The following C18orf32 variants were observed in gnomAD, a reference collection of about 807,000 sequenced individuals.
The protein encoded by C18orf32 is UPF0729 protein C18orf32.
In C18orf32, 5 loss-of-function variants were observed where a neutral mutation model predicts 7.4. The ratio of observed to expected loss-of-function variants is 0.68; its 90% confidence interval spans 0.35 to 1.42. The LOEUF (loss-of-function observed/expected upper bound fraction) is 1.42, where lower values mean the gene tolerates loss of function less well. Ranked by LOEUF, C18orf32 falls within the 40% of genes most tolerant of loss-of-function variation. The pLI, the probability that C18orf32 is intolerant of heterozygous loss-of-function variation, is 0.04. For synonymous variants in C18orf32, 30 were observed against 29.3 expected, an observed-to-expected ratio of 1.02 and a Z score of -0.08; for missense variants, 88 against 92.4, an observed-to-expected ratio of 0.95 and a Z score of 0.19.
At position 49,485,572 on chromosome 18, in the gene C18orf32, A is replaced by AT. The variant is rs200579086; in HGVS notation, c.-24+1470_-24+1471insA. Among the ~76,000 whole-genome samples the AT allele has an allele frequency of 7.9e-5, 12 of 151,452 alleles. No homozygotes were observed. The East Asian group carries it at 9.7e-4, about 12-fold the overall frequency. Reference sequence around the variant, plus strand: ...TCCGTGTCAGAAAAAAAAAAAATAAAAATAAAATAAAATAAAATCAATTGC... The same window carrying AT: ...TCCGTGTCAGAAAAAAAAAAAATAAATAATAAAATAAAATAAAATCAATTGC... On this transcript the variant is annotated intron_variant, in intron 1 of 2. Transcript: ENST00000318240.
rs2083645677 is a variant in C18orf32 at position 49,479,719 on chromosome 18, A to C, written c.*2626T>G. The C allele has an allele frequency of 6.6e-6, 1 of 152,288 alleles. No individual in the cohort carries two copies. Among genetic ancestry groups the C allele is most frequent in the Admixed American group, 6.5e-5 (1 of 15,284 alleles). 9.4% of individuals were successfully genotyped at this position (152,288 alleles called of 1,614,324 possible). On this transcript the variant is annotated 3_prime_UTR_variant, in exon 3 of 3. Transcript: ENST00000318240. The stretch of plus-strand genomic sequence containing the variant: ...TTGCAGAGAGAGGGCCAAGGGAATA[A>C]ACACTCTGCCTTCATTCTCCTCCCT...
In C18orf32 at chr18:49,482,231, G is replaced by T; in HGVS notation, c.*114C>A. The T allele has an allele frequency of 2.6e-6, 2 of 757,544 alleles. No homozygotes were observed. The highest frequency in any genetic ancestry group is 4.7e-6 in the Non-Finnish European group (2 of 429,134). 46.9% of individuals were successfully genotyped at this position (757,544 alleles called of 1,614,324 possible). A position where few individuals can be genotyped will look rare whatever the true frequency, so the allele number is the denominator to read the frequency against. On this transcript the variant is annotated 3_prime_UTR_variant, in exon 3 of 3. Transcript: ENST00000318240. ...CTGATTAGTATCAGGTAAATATCTAGACTCCTATCCTGAATTCCGGTCTCA... is the reference window on the plus strand; with the variant it reads ...CTGATTAGTATCAGGTAAATATCTATACTCCTATCCTGAATTCCGGTCTCA...
At chr18:49,483,469 G>A (rs1011122324) in intron 2 of C18orf32, 115 bp downstream of exon 2, 5 of 1,318,876 alleles carry the variant, frequency 3.8e-6, no homozygotes, top group Admixed American at 5.2e-5. Flanking sequence ...TAAGCCAAAT[G>A]TTACACAAAC....
intron 2 of C18orf32, 22 bp from the exon 3 acceptor site, chr18:49,482,432 G>A: frequency 6.3e-7 from 1 of 1,582,568 alleles, no homozygotes; most frequent in Non-Finnish European, 8.7e-7. Context: ...AAACATTTTA[G>A]AAATTATCAT....
rs188710281 is a variant in C18orf32, at chr18:49,483,057, C to T, written c.165+527G>A. On this transcript the variant is annotated intron_variant, in intron 2 of 2. Transcript: ENST00000318240. The stretch of plus-strand genomic sequence containing the variant: ...CAGGTGATCAACCCATCTTGACCTC[C>T]CCAAGTGCTGGGATTACAGGCGTGA... 1.9e-4 allele frequency among the ~76,000 whole-genome samples: 29 copies of T among 152,212 alleles called. No individual in the cohort carries two copies. The Middle Eastern group carries it at 0.014, about 71-fold the overall frequency.
Position 49,483,771 on chromosome 18 carries a change from A to G in C18orf32, c.-23T>C. 1.3e-6 allele frequency: 2 copies of G among 1,597,208 alleles called. No individual in the cohort carries two copies. Among genetic ancestry groups the G allele is most frequent in the Non-Finnish European group, 1.7e-6 (2 of 1,176,422 alleles). ...CATTTTCCCAAGCTTGAGCTCCTCA[A>G]CTGTTGATATATGTGAAGAAAAAAA... On this transcript the variant is annotated splice_region_variant and 5_prime_UTR_variant, in exon 2 of 3. Transcript: ENST00000318240.
chr18:49,486,542 C>T (rs2083749879), intron 1 of C18orf32: 1 of 151,730 alleles, frequency 6.6e-6, no homozygotes, highest in Non-Finnish European at 1.5e-5. Context: ...TTTTACTTCA[C>T]ACATATGGAA....
chr18:49,483,356 T>C (rs2083689431), intron 2 of C18orf32, among the ~76,000 whole-genome samples: 1 of 152,206 alleles, frequency 6.6e-6, no homozygotes. Context: ...TCTCTCCTCA[T>C]CCATTAGCTA....
rs773591669 is a variant in C18orf32 at position 49,479,847 on chromosome 18, G to A, written c.*2498C>T. 6.6e-6 allele frequency: 1 copy of A among 152,514 alleles called. No individual in the cohort carries two copies. The highest frequency in any genetic ancestry group is 2.1e-4 in the South Asian group (1 of 4,834). 9.4% of individuals were successfully genotyped at this position (152,514 alleles called of 1,614,324 possible). A position where few individuals can be genotyped will look rare whatever the true frequency, so the allele number is the denominator to read the frequency against. On this transcript the variant is annotated 3_prime_UTR_variant, in exon 3 of 3. Transcript: ENST00000318240. ...TACAGCTTCCTTGGGCTGAAAGCAG[G>A]ATGAGGGGAGCAGAGACTTGGGAGG...
At position 49,478,915 on chromosome 18, in the gene C18orf32, TTTTCA is replaced by T. The variant is rs2083639050; in HGVS notation, c.*3425_*3429del. On this transcript the variant is annotated 3_prime_UTR_variant, in exon 3 of 3. Transcript: ENST00000318240. ...TTTTTGTCCACTATTCCCATGTTCT[TTTTCA>T]CTCTTCTGGTGTCAAACTGTCTTTT... The T allele has an allele frequency of 6.6e-6, 1 of 152,128 alleles. No homozygotes were observed. The highest frequency in any genetic ancestry group is 2.4e-5 in the African/African-American group (1 of 41,376). 9.4% of individuals were successfully genotyped at this position (152,128 alleles called of 1,614,324 possible).
In C18orf32 at chr18:49,481,825, C is replaced by A. The variant is rs78252690; in HGVS notation, c.*520G>T. On this transcript the variant is annotated 3_prime_UTR_variant, in exon 3 of 3. Coordinates refer to ENST00000318240, the MANE Select transcript of C18orf32 (RefSeq NM_001035005.4). Reference sequence around the variant, plus strand: ...TCCTTAGAGCAATAAATAGTAATTACTATATTTGTGGACAAGCTGCTCCAC... The same window carrying A: ...TCCTTAGAGCAATAAATAGTAATTAATATATTTGTGGACAAGCTGCTCCAC... The A allele has an allele frequency of 2.0e-5, 3 of 152,328 alleles. No individual in the cohort carries two copies. Among genetic ancestry groups the A allele is most frequent in the African/African-American group, 7.2e-5 (3 of 41,380 alleles). The allele number at this position is 152,328 out of a possible 1,614,324, so 9.4% of individuals were successfully genotyped here.
In C18orf32 at chr18:49,480,660, A is replaced by C. The variant is rs2083653066; in HGVS notation, c.*1685T>G. The C allele has an allele frequency of 6.6e-6, 1 of 152,204 alleles. No homozygotes were observed. Among genetic ancestry groups the C allele is most frequent in the Admixed American group, 6.5e-5 (1 of 15,274 alleles). 9.4% of individuals were successfully genotyped at this position (152,204 alleles called of 1,614,324 possible). On this transcript the variant is annotated 3_prime_UTR_variant, in exon 3 of 3. Transcript: ENST00000318240. ...GTGGTGTGCACCTGTAGTCCCAGCT[A>C]CTTGAGAGGCTAAGGTGAGAGGATC...
chr18:49,477,828 TATACACATATATATATATAC>T lies in C18orf32; in HGVS notation c.*4497_*4516del, dbSNP rs2083631001. 1 of 81,624 alleles carries T rather than the reference TATACACATATATATATATAC, an allele frequency of 1.2e-5. No individual in the cohort carries two copies. Among genetic ancestry groups the T allele is most frequent in the African/African-American group, 5.6e-5 (1 of 17,848 alleles). The allele number at this position is 81,624 out of a possible 1,614,324, so 5.1% of individuals were successfully genotyped here. On this transcript the variant is annotated 3_prime_UTR_variant, in exon 3 of 3. Transcript: ENST00000318240. The stretch of plus-strand genomic sequence containing the variant: ...TATATATATACACACACTATATATA[TATACACATATATATATATAC>T]ACACACTATATATATACACACTATA...
At chr18:49,486,693 T>C (rs1443752905) in intron 1 of C18orf32, 2 of 151,974 alleles carry the variant, frequency 1.3e-5, no homozygotes, top group Admixed American at 6.6e-5. Context: ...GACAACAGAG[T>C]AGACAGTTAA....
chr18:49,485,015 G>A (rs2083719980), intron 1 of C18orf32, among the ~76,000 whole-genome samples: 1 of 152,108 alleles, frequency 6.6e-6, no homozygotes, highest in Non-Finnish European at 1.5e-5. Context: ...CCGGGAGGTA[G>A]AGGTTGCGGT....
rs1443901180 is a variant in C18orf32 at position 49,480,294 on chromosome 18, T to C, written c.*2051A>G. The stretch of plus-strand genomic sequence containing the variant: ...GATGATGCCGCTGCACTCCAGCACC[T>C]GGGTGACAGTGAGACCCTGTCTCAA... On this transcript the variant is annotated 3_prime_UTR_variant, in exon 3 of 3. Transcript: ENST00000318240. 2.0e-5 allele frequency: 3 copies of C among 151,748 alleles called. No individual in the cohort carries two copies. The highest frequency in any genetic ancestry group is 7.3e-5 in the African/African-American group (3 of 41,302). The allele number at this position is 151,748 out of a possible 1,614,324, so 9.4% of individuals were successfully genotyped here.
chr18:49,481,314 G>C lies in C18orf32; in HGVS notation c.*1031C>G, dbSNP rs1191183468. ...CAGGAGTTCCTTTTAATCTTTCCCA[G>C]CTTCAGAGTGAATACAAAAAATATA... On this transcript the variant is annotated 3_prime_UTR_variant, in exon 3 of 3. Coordinates refer to ENST00000318240, the MANE Select transcript of C18orf32 (RefSeq NM_001035005.4). 1 of 152,046 alleles carries C rather than the reference G, an allele frequency of 6.6e-6. No individual in the cohort carries two copies. Among genetic ancestry groups the C allele is most frequent in the Non-Finnish European group, 1.5e-5 (1 of 68,012 alleles). The allele number at this position is 152,046 out of a possible 1,614,324, so 9.4% of individuals were successfully genotyped here.
rs1272702878 is a variant in C18orf32, at chr18:49,482,700, C to T, written c.166-290G>A. ...CAAGATTATGCCACTGCACTCTAGC[C>T]TGGTGACAAAGCGAGACTTCATCAC... On this transcript the variant is annotated intron_variant, in intron 2 of 2. Transcript: ENST00000318240. 1.5e-4 allele frequency among the ~76,000 whole-genome samples: 22 copies of T among 147,442 alleles called. No homozygotes were observed. The Admixed American group carries it at 1.5e-3, about 10-fold the overall frequency.
chr18:49,485,535 C>T (rs1464984967), intron 1 of C18orf32, among the ~76,000 whole-genome samples: 1 of 145,478 alleles, frequency 6.9e-6, no homozygotes, highest in Non-Finnish European at 1.5e-5. Flanking sequence ...GCCTGCGTGA[C>T]AAGAGCAAAA....
Sources: gnomAD v4.1 joint callset for allele counts (sites outside exome capture counted in the v4.1 genomes callset) on GRCh38, gnomAD v4.1.1 for gene constraint, MANE v1.5 for transcripts, NCBI Gene and HGNC (gene_info 2026-07-23, HGNC 2026-07-21) for gene names.